The following OCA2 variants were observed in gnomAD, a reference collection of about 807,000 sequenced individuals.
OCA2 encodes P protein.
In OCA2, 77 loss-of-function variants were observed where a neutral mutation model predicts 100.2. That is an observed-to-expected ratio of 0.77 (90% CI 0.64 to 0.93). The LOEUF (loss-of-function observed/expected upper bound fraction) is 0.93, where lower values mean the gene tolerates loss of function less well. Ranked by LOEUF, OCA2 falls within the 40% of genes least tolerant of loss-of-function variation. The pLI is 0.00. For missense variants in OCA2, 1,062 were observed against 1,089.1 expected, an observed-to-expected ratio of 0.98 and a Z score of 0.35; for synonymous variants, 432 against 439.2, an observed-to-expected ratio of 0.98 and a Z score of 0.21.
At chr15:27,821,699 TACAC>T (rs775047894) in intron 23 of OCA2, among the ~76,000 whole-genome samples, 19 of 151,708 alleles carry the variant, frequency 1.3e-4, no homozygotes, top group Non-Finnish European at 2.2e-4. Flanking sequence ...CATGCACACA[TACAC>T]ACATAATACA....
At chr15:27,722,776 T>C in the OCA2 span, among the ~76,000 whole-genome samples, 29 of 32,822 alleles carry the variant, frequency 8.8e-4, no homozygotes, top group South Asian at 3.4e-3. Context: ...TTTCTTTTCT[T>C]TCTTTCTCTC....
At chr15:27,807,654 G>T (rs944636107) in intron 23 of OCA2, among the ~76,000 whole-genome samples, 1 of 152,036 alleles carries the variant, frequency 6.6e-6, no homozygotes, top group Non-Finnish European at 1.5e-5. Context: ...CACAGCTGTG[G>T]ATTTATTGCT....
In OCA2 at chr15:27,775,129, G is replaced by C. The variant is rs138070203; in HGVS notation, c.2433-19657C>G. On this transcript the variant is annotated intron_variant, in intron 23 of 23. Transcript: ENST00000354638. Reference sequence around the variant, plus strand: ...CTGTGTGTTTGTTAATAAGAAGCTGGGCCCTCTGGGGCTGGCGCCCTGGGC... The same window carrying C: ...CTGTGTGTTTGTTAATAAGAAGCTGCGCCCTCTGGGGCTGGCGCCCTGGGC... 1.2e-3 allele frequency among the ~76,000 whole-genome samples: 175 copies of C among 150,352 alleles called. 1 individual carries two copies. Among genetic ancestry groups the C allele is most frequent in the African/African-American group, 4.1e-3 (166 of 40,964 alleles).
In OCA2 at chr15:28,018,564, G is replaced by A. The variant is rs759381132; in HGVS notation, c.647-7C>T. 3 of 1,611,338 alleles carry A rather than the reference G, an allele frequency of 1.9e-6. No homozygotes were observed. The highest frequency in any genetic ancestry group is 1.3e-5 in the African/African-American group (1 of 74,978). On this transcript the variant is annotated splice_polypyrimidine_tract_variant and splice_region_variant and intron_variant, in intron 6 of 23. Coordinates refer to ENST00000354638, the MANE Select transcript of OCA2 (RefSeq NM_000275.3). ...TGGCTGCTAAGGTTCACGGCTCGGA[G>A]AGTGTCAAGGAGAACCACAAGGCAG...
intron 23 of OCA2, among the ~76,000 whole-genome samples, chr15:27,826,351 C>CCACACACA (rs10535869): frequency 1.3e-5 from 2 of 149,744 alleles, no homozygotes; most frequent in East Asian, 2.0e-4. Flanking sequence ...AAGGAACTTC[C>CCACACACA]CACACACACA....
At chr15:27,736,778 T>C in the OCA2 span, among the ~76,000 whole-genome samples, 1 of 152,192 alleles carries the variant, frequency 6.6e-6, no homozygotes, top group East Asian at 1.9e-4. Flanking sequence ...CAACATCATA[T>C]TGAACTATGA....
At chr15:27,962,503 TGAGCTCA>T (rs1269619185) in intron 15 of OCA2, among the ~76,000 whole-genome samples, 5 of 152,178 alleles carry the variant, frequency 3.3e-5, no homozygotes, top group Non-Finnish European at 5.9e-5. Flanking sequence ...CCTAGAGTAG[TGAGCTCA>T]GAGCTGGGAA....
rs2141347507 is a variant in OCA2 at position 28,027,893 on chromosome 15, G to A, written c.493C>T (p.Arg165Ter). ...KGDLLDSPHI[R>*]LRLSKLRRCV... ...TACCTCAGCTTGGAAAGACGGAGTC[G>A]GATGTGCGGGCTGTCCAGAAGGTCT... Residue 165 changes from arginine to a stop codon, truncating the protein, a stop_gained, in exon 4 of 24, where the codon CGA becomes TGA. Coordinates refer to ENST00000354638, the MANE Select transcript of OCA2 (RefSeq NM_000275.3). LOFTEE classifies it high-confidence loss of function. 5.0e-6 allele frequency: 8 copies of A among 1,613,438 alleles called. No individual in the cohort carries two copies. The highest frequency in any genetic ancestry group is 2.7e-5 in the African/African-American group (2 of 75,010).
chr15:27,917,986 A>G (rs1312824327), intron 19 of OCA2, among the ~76,000 whole-genome samples: 1 of 152,042 alleles, frequency 6.6e-6, no homozygotes, highest in African/African-American at 2.4e-5. Context: ...ATTTTAGACT[A>G]CTTAAGTTGG....
chr15:28,052,563 A>G (rs1226597298), intron 2 of OCA2, among the ~76,000 whole-genome samples: 1 of 152,216 alleles, frequency 6.6e-6, no homozygotes, highest in Non-Finnish European at 1.5e-5. Flanking sequence ...AATCAGTAGA[A>G]GCTGGTGGGG....
At chr15:27,879,903 A>AT (rs368555133) in intron 19 of OCA2, among the ~76,000 whole-genome samples, 9 of 151,802 alleles carry the variant, frequency 5.9e-5, no homozygotes, top group African/African-American at 2.2e-4. Flanking sequence ...TGCTTTTTAC[A>AT]TTTTTGTCAT....
At chr15:27,985,797 A>G (rs2041334673) in intron 12 of OCA2, among the ~76,000 whole-genome samples, 1 of 151,716 alleles carries the variant, frequency 6.6e-6, no homozygotes, top group Admixed American at 6.6e-5. Context: ...GGTTCAAGCA[A>G]TTCTCTCGCC....
intron 2 of OCA2, among the ~76,000 whole-genome samples, chr15:28,049,626 C>T (rs1381947327): frequency 6.6e-6 from 1 of 152,144 alleles, no homozygotes; most frequent in East Asian, 1.9e-4. Flanking sequence ...ACATCATTTA[C>T]TCATAAAAGG....
intron 2 of OCA2, among the ~76,000 whole-genome samples, chr15:28,075,166 A>G (rs1471431650): frequency 1.3e-5 from 2 of 152,230 alleles, no homozygotes; most frequent in Admixed American, 6.5e-5. Flanking sequence ...TAATTGATAA[A>G]TTGGACAACA....
intron 14 of OCA2, among the ~76,000 whole-genome samples, chr15:27,973,996 G>A (rs1423175256): frequency 1.3e-5 from 2 of 152,106 alleles, no homozygotes; most frequent in East Asian, 3.9e-4. Flanking sequence ...GTCATTGTTG[G>A]TATATAGCAG....
At chr15:27,775,063 C>CGTGTGT (rs66465683) in intron 23 of OCA2, among the ~76,000 whole-genome samples, 7,712 of 142,970 alleles carry the variant, frequency 0.054, 225 homozygotes, top group South Asian at 0.12. Context: ...TTTTAGAACT[C>CGTGTGT]GTGTGTGTGT....
chr15:28,085,726 C>T (rs2044765967), intron 1 of OCA2, among the ~76,000 whole-genome samples: 1 of 151,844 alleles, frequency 6.6e-6, no homozygotes, highest in Non-Finnish European at 1.5e-5. Context: ...ACATACTGTC[C>T]TATCTGCCAA....
chr15:28,055,200 G>A (rs1041435913), intron 2 of OCA2, among the ~76,000 whole-genome samples: 1 of 152,126 alleles, frequency 6.6e-6, no homozygotes, highest in African/African-American at 2.4e-5. Flanking sequence ...CCTGTATCTG[G>A]GACTTTCCTG....
At chr15:28,017,707 C>A (rs1002822440) in intron 7 of OCA2, among the ~76,000 whole-genome samples, 1 of 152,334 alleles carries the variant, frequency 6.6e-6, no homozygotes, top group South Asian at 2.1e-4. Context: ...GGTGACACAG[C>A]CTGTGCATGG....
Sources: gnomAD v4.1 joint callset for allele counts (sites outside exome capture counted in the v4.1 genomes callset) on GRCh38, gnomAD v4.1.1 for gene constraint, MANE v1.5 for transcripts, NCBI Gene and HGNC (gene_info 2026-07-23, HGNC 2026-07-21) for gene names.